The following MICALL1 variants were observed in gnomAD, a reference collection of about 807,000 sequenced individuals.
The protein encoded by MICALL1 is MICAL like 1, also known as MICAL-like protein 1.
A neutral mutation model predicts 83.7 loss-of-function variants in MICALL1; 61 were observed. That is an observed-to-expected ratio of 0.73 (90% CI 0.59 to 0.90). MICALL1 has a LOEUF of 0.90. Among genes scored for constraint, MICALL1 ranks in the 40% least tolerant of loss-of-function variants. The pLI is 0.00. For synonymous variants in MICALL1, 481 were observed against 473.6 expected (o/e 1.02, Z -0.20); for missense variants, 1,066 against 1,152.0 (o/e 0.93, Z 1.08).
Position 37,933,015 on chromosome 22 carries a change from G to C in MICALL1, c.2235-24G>C, listed in dbSNP as rs760526409. 6.2e-6 allele frequency: 10 copies of C among 1,614,042 alleles called. No individual in the cohort carries two copies. The South Asian group carries it at 9.9e-5, about 16-fold the overall frequency. On this transcript the variant is annotated intron_variant, in intron 12 of 15. Transcript: ENST00000215957. Reference sequence around the variant, plus strand: ...GCCGGGGCTCGGGCAGAATTGTTAAGAGTCACCTTATTCCCACCCCTAGCT... The same window carrying C: ...GCCGGGGCTCGGGCAGAATTGTTAACAGTCACCTTATTCCCACCCCTAGCT...
rs1929728367 is a variant in MICALL1 at position 37,930,463 on chromosome 22, C to G, written c.1882-1336C>G. ...CCAGAGCAGCTCCCACCCCGAGAGC[C>G]TCTCTCCCTGGGCTGGCACAGGCCT... On this transcript the variant is annotated intron_variant, in intron 9 of 15. Coordinates refer to ENST00000215957, the MANE Select transcript of MICALL1 (RefSeq NM_033386.4). This position sits in a 1 kb window ranked among gnomAD's most constrained non-coding sequence, Gnocchi z 4.8. Among the ~76,000 whole-genome samples the G allele has an allele frequency of 6.6e-6, 1 of 152,244 alleles. No individual in the cohort carries two copies. The highest frequency in any genetic ancestry group is 6.5e-5 in the Admixed American group (1 of 15,282).
chr22:37,921,902 G>A (rs1490312705), intron 5 of MICALL1, 70 bp from the exon 6 acceptor site: 15 of 1,446,624 alleles, frequency 1.0e-5, no homozygotes, highest in African/African-American at 8.5e-5. Context: ...CCCTGGGTGC[G>A]GCTGGAGGGG....
chr22:37,927,350 G>A (rs1929509541), intron 8 of MICALL1, 61 bp from the exon 9 acceptor site: 6 of 1,466,590 alleles, frequency 4.1e-6, no homozygotes, highest in Non-Finnish European at 5.4e-6. Context: ...GAGCCGGGAG[G>A]TGGGGCTGGA....
In MICALL1 at chr22:37,912,366, GAGA is replaced by G; in HGVS notation, c.214_216del (p.Lys72del). 6.2e-7 allele frequency: 1 copy of G among 1,612,544 alleles called. No homozygotes were observed. The highest frequency in any genetic ancestry group is 1.7e-4 in the Middle Eastern group (1 of 6,050). On this transcript the variant is annotated inframe_deletion, in exon 3 of 16. Transcript: ENST00000215957. ...ACCACCCCAGGCCTTTGAAGTGGCT[GAGA>G]AGGAGCTGGGGATCCCCGCTCTCCT... is the stretch of plus-strand genomic sequence containing the variant.
Position 37,919,161 on chromosome 22 carries a change from C to T in MICALL1, c.552C>T (p.Tyr184=). 6.5e-7 allele frequency: 1 copy of T among 1,543,434 alleles called. No individual in the cohort carries two copies. Among genetic ancestry groups the T allele is most frequent in the Non-Finnish European group, 8.8e-7 (1 of 1,141,908 alleles). Residue 184 remains tyrosine (Y), a synonymous_variant, in exon 5 of 16, where the codon TAC becomes TAT. Coordinates refer to ENST00000215957, the MANE Select transcript of MICALL1 (RefSeq NM_033386.4). ...VQRYLADGRL[Y]HRHCFRCRRC... Reference sequence around the variant, plus strand: ...GCTACCTGGCTGACGGCAGGCTGTACCATCGCCACTGCTTCCGGTGAGTGG... The same window carrying T: ...GCTACCTGGCTGACGGCAGGCTGTATCATCGCCACTGCTTCCGGTGAGTGG...
intron 15 of MICALL1, among the ~76,000 whole-genome samples, chr22:37,939,773 CAAAA>C (rs147934175): frequency 2.2e-5 from 1 of 44,464 alleles, no homozygotes; most frequent in East Asian, 7.0e-4. Context: ...GTCTCCGTCT[CAAAA>C]AAAAAAAAAA....
At chr22:37,931,360 A>G (rs1012443786) in intron 9 of MICALL1, among the ~76,000 whole-genome samples, 1 of 151,994 alleles carries the variant, frequency 6.6e-6, no homozygotes, top group African/African-American at 2.4e-5. Context: ...TGGGCAACAA[A>G]GTGAGAACCT....
rs1454610176 is a variant in MICALL1 at position 37,942,738 on chromosome 22, T to G, written c.*1908T>G. ...GGATGGTCTCGATCTCCTGACCTTG[T>G]GATCCACCCACCTTGGCCTCCCAAA... On this transcript the variant is annotated 3_prime_UTR_variant, in exon 16 of 16. Coordinates refer to ENST00000215957, the MANE Select transcript of MICALL1 (RefSeq NM_033386.4). The G allele has an allele frequency of 6.6e-6, 1 of 152,252 alleles. No homozygotes were observed. The highest frequency in any genetic ancestry group is 1.5e-5 in the Non-Finnish European group (1 of 68,114). 9.4% of individuals were successfully genotyped at this position (152,252 alleles called of 1,614,324 possible). A position where few individuals can be genotyped will look rare whatever the true frequency, so the allele number is the denominator to read the frequency against.
intron 3 of MICALL1, among the ~76,000 whole-genome samples, chr22:37,914,109 C>G (rs1928515958): frequency 6.6e-6 from 1 of 151,990 alleles, no homozygotes; most frequent in South Asian, 2.1e-4. Flanking sequence ...CTCCTGACCT[C>G]AGGCGATCCA....
intron 5 of MICALL1, among the ~76,000 whole-genome samples, chr22:37,919,560 C>T (rs1319696734): frequency 1.5e-5 from 2 of 136,714 alleles, no homozygotes; most frequent in Non-Finnish European, 3.0e-5. Flanking sequence ...CGCTCAAACC[C>T]GGGAGGCAGA....
At chr22:37,914,387 C>T (rs931426753) in intron 3 of MICALL1, among the ~76,000 whole-genome samples, 7 of 151,342 alleles carry the variant, frequency 4.6e-5, no homozygotes, top group Non-Finnish European at 7.4e-5. Context: ...CCACCACACC[C>T]GGCTAATTTT....
chr22:37,906,711 C>T lies in MICALL1; in HGVS notation c.146+143C>T. On this transcript the variant is annotated intron_variant, in intron 1 of 15. Coordinates refer to ENST00000215957, the MANE Select transcript of MICALL1 (RefSeq NM_033386.4). This position sits in a 1 kb window ranked among gnomAD's most constrained non-coding sequence, Gnocchi z 4.4. ...CGCCGACCCCCCCGACGGCCCCGGA[C>T]GCCGGGCGGGTCCCTGAGACCCCGG... 1.3e-6 allele frequency: 1 copy of T among 763,200 alleles called. No homozygotes were observed. Among genetic ancestry groups the T allele is most frequent in the Non-Finnish European group, 1.7e-6 (1 of 598,420 alleles). The allele number at this position is 763,200 out of a possible 1,614,324, so 47.3% of individuals were successfully genotyped here.
intron 13 of MICALL1, among the ~76,000 whole-genome samples, chr22:37,935,710 G>A (rs1382801080): frequency 4.8e-5 from 7 of 145,870 alleles, no homozygotes; most frequent in Non-Finnish European, 1.1e-4. Flanking sequence ...CCACCACCAC[G>A]CTTGGCTAAG....
rs149644771 is a variant in MICALL1, at chr22:37,935,421, C to A, written c.2309-1659C>A. Among the ~76,000 whole-genome samples, 722 of 137,294 alleles carry A rather than the reference C, an allele frequency of 5.3e-3. 6 individuals are homozygous for A. The highest frequency in any genetic ancestry group is 0.019 in the African/African-American group (696 of 36,224). The allele number at this position is 137,294 out of a possible 152,430, so 90.1% of individuals were successfully genotyped here. A position where few individuals can be genotyped will look rare whatever the true frequency, so the allele number is the denominator to read the frequency against. ...GACTACAGGCGCCCGCCACCACACC[C>A]GGCTAATTTTTGTATTTTTAGTAGA... On this transcript the variant is annotated intron_variant, in intron 13 of 15. Coordinates refer to ENST00000215957, the MANE Select transcript of MICALL1 (RefSeq NM_033386.4).
At chr22:37,914,576 A>C (rs1928554166) in intron 3 of MICALL1, among the ~76,000 whole-genome samples, 1 of 151,466 alleles carries the variant, frequency 6.6e-6, no homozygotes, top group East Asian at 1.9e-4. Flanking sequence ...ATGCATATAC[A>C]TATATATGTA....
chr22:37,928,330 C>A (rs1008583017), intron 9 of MICALL1, among the ~76,000 whole-genome samples: 1 of 152,148 alleles, frequency 6.6e-6, no homozygotes, highest in East Asian at 1.9e-4. Context: ...TCTCAGTCTC[C>A]CGAGTAGCTG....
intron 13 of MICALL1, among the ~76,000 whole-genome samples, chr22:37,936,055 G>T (rs1930104673): frequency 6.6e-6 from 1 of 152,210 alleles, no homozygotes; most frequent in African/African-American, 2.4e-5. Flanking sequence ...AGCCAGGGAA[G>T]CCTGTGGCGG....
At chr22:37,907,011 CG>C (rs1180131861) in intron 1 of MICALL1, 1 of 152,978 alleles carries the variant, frequency 6.5e-6, no homozygotes, top group Non-Finnish European at 1.5e-5. Context: ...CCCCTTGCTC[CG>C]GGTGTGCAGG....
At chr22:37,923,599 C>T (rs1929233326) in intron 6 of MICALL1, among the ~76,000 whole-genome samples, 1 of 152,248 alleles carries the variant, frequency 6.6e-6, no homozygotes, top group African/African-American at 2.4e-5. Context: ...GTTCTCCATG[C>T]TGGGACGGTG....
Sources: gnomAD v4.1 joint callset for allele counts (sites outside exome capture counted in the v4.1 genomes callset) on GRCh38, gnomAD v4.1.1 for gene constraint, Gnocchi (gnomAD v3.1) non-coding constraint, MANE v1.5 for transcripts, NCBI Gene and HGNC (gene_info 2026-07-23, HGNC 2026-07-21) for gene names.